The following NFILZ variants were observed in gnomAD, a reference collection of about 807,000 sequenced individuals.
NFILZ encodes NFIL3 like protein.
At chr19:8,653,040 C>CTTTCTTTCTTTCTTTCTTTCTTTCTT (rs1263390932) in intron 3 of NFILZ, among the ~76,000 whole-genome samples, 1 of 63,344 alleles carries the variant, frequency 1.6e-5, no homozygotes, top group Non-Finnish European at 3.0e-5. Flanking sequence ...TTCTTTCTTT[C>CTTTCTTTCTTTCTTTCTTTCTTTCTT]TCTCTCTCTC....
chr19:8,652,979 C>T lies in NFILZ; in HGVS notation c.-164+17233C>T, dbSNP rs879098650. Among the ~76,000 whole-genome samples the T allele has an allele frequency of 2.0e-3, 171 of 86,392 alleles. 12 individuals carry two copies. The highest frequency in any genetic ancestry group is 0.016 in the Middle Eastern group (3 of 192). The allele number at this position is 86,392 out of a possible 152,430, so 56.7% of individuals were successfully genotyped here. The stretch of plus-strand genomic sequence containing the variant: ...CTTTCCCTTCCTTCCCTCCTTCCTT[C>T]CTTCCTTCCTTCCTTCCTTCCTTCC... On this transcript the variant is annotated intron_variant, in intron 3 of 5. Coordinates refer to ENST00000691075, the MANE Select transcript of NFILZ (RefSeq NM_001378600.1).
At position 8,656,284 on chromosome 19, in the gene NFILZ, C is replaced by CCCTGAAG. The variant is rs1420223130; in HGVS notation, c.-163-18265_-163-18264insTGAAGCC. ...ATCTTCTCTCTGAAGCCCACCTTCTCCCCACAGCCCACCTCCTCCCGCAGC... is the reference window on the plus strand; with the variant it reads ...ATCTTCTCTCTGAAGCCCACCTTCTCCCTGAAGCCCACAGCCCACCTCCTCCCGCAGC... On this transcript the variant is annotated intron_variant, in intron 3 of 5. Transcript: ENST00000691075. 8.1e-4 allele frequency among the ~76,000 whole-genome samples: 41 copies of CCCTGAAG among 50,902 alleles called. 1 individual carries two copies. Among genetic ancestry groups the CCCTGAAG allele is most frequent in the African/African-American group, 1.8e-3 (38 of 21,066 alleles). The allele number at this position is 50,902 out of a possible 152,430, so 33.4% of individuals were successfully genotyped here. A position where few individuals can be genotyped will look rare whatever the true frequency, so the allele number is the denominator to read the frequency against.
chr19:8,658,505 T>G (rs529882605), intron 3 of NFILZ, among the ~76,000 whole-genome samples: 1 of 152,186 alleles, frequency 6.6e-6, no homozygotes, highest in Admixed American at 6.5e-5. Flanking sequence ...TTTAGAACCA[T>G]TGTCCTAAAG....
At chr19:8,647,241 G>GTACA (rs1273767158) in intron 3 of NFILZ, among the ~76,000 whole-genome samples, 3 of 152,104 alleles carry the variant, frequency 2.0e-5, no homozygotes, top group Non-Finnish European at 4.4e-5. Flanking sequence ...AGAAAATGTG[G>GTACA]TACATACACA....
chr19:8,636,531 G>A (rs1326336817), intron 3 of NFILZ, among the ~76,000 whole-genome samples: 1 of 145,216 alleles, frequency 6.9e-6, no homozygotes, highest in African/African-American at 2.5e-5. Flanking sequence ...CGCAACCTCT[G>A]CCTCCTGGGT....
At chr19:8,656,067 T>TC (rs2042990794) in intron 3 of NFILZ, among the ~76,000 whole-genome samples, 1 of 151,590 alleles carries the variant, frequency 6.6e-6, no homozygotes, top group Non-Finnish European at 1.5e-5. Context: ...TCTGACCCGG[T>TC]CCCTAAGGGG....
chr19:8,673,901 C>A (rs568371598), intron 3 of NFILZ, among the ~76,000 whole-genome samples: 1 of 152,118 alleles, frequency 6.6e-6, no homozygotes, highest in Non-Finnish European at 1.5e-5. Flanking sequence ...AGTGCAGTGG[C>A]GCAATCTTGG....
chr19:8,656,203 G>GTTCTCCCTGCAGCCCACC (rs1555748300), intron 3 of NFILZ, among the ~76,000 whole-genome samples: 1,618 of 105,994 alleles, frequency 0.015, 31 homozygotes, highest in African/African-American at 0.043. Context: ...CAAAGCCAGT[G>GTTCTCCCTGCAGCCCACC]TTCTCCCTGC....
At position 8,651,858 on chromosome 19, in the gene NFILZ, A is replaced by G. The variant is rs782781683; in HGVS notation, c.-164+16112A>G. On this transcript the variant is annotated intron_variant, in intron 3 of 5. Coordinates refer to ENST00000691075, the MANE Select transcript of NFILZ (RefSeq NM_001378600.1). ...TCTAACTATATTTTGGACCCATTAA[A>G]CATTCCTTCTCCCTCTTCCTCCTCA... Among the ~76,000 whole-genome samples the G allele has an allele frequency of 3.9e-5, 6 of 151,950 alleles. No homozygotes were observed. In the South Asian group the frequency reaches 6.2e-4, roughly 16 times the overall value.
chr19:8,654,622 AAT>A (rs2042984086), intron 3 of NFILZ, among the ~76,000 whole-genome samples: 1 of 152,220 alleles, frequency 6.6e-6, no homozygotes, highest in Admixed American at 6.5e-5. Flanking sequence ...TGCCTCAAAA[AAT>A]ATTTATTAAA....
intron 3 of NFILZ, among the ~76,000 whole-genome samples, chr19:8,661,448 C>CTGGAGTGCCAGT (rs2043031631): frequency 6.6e-6 from 1 of 152,082 alleles, no homozygotes; most frequent in Admixed American, 6.6e-5. Context: ...TGAATAGTGC[C>CTGGAGTGCCAGT]TGGAGTGCCA....
At chr19:8,639,180 T>C (rs1280813972) in intron 3 of NFILZ, among the ~76,000 whole-genome samples, 3 of 151,804 alleles carry the variant, frequency 2.0e-5, no homozygotes, top group African/African-American at 7.3e-5. Flanking sequence ...GAGGTCCATG[T>C]GGTTGGAGCA....
chr19:8,661,298 A>G (rs12980358), intron 3 of NFILZ, among the ~76,000 whole-genome samples: 9,457 of 150,980 alleles, frequency 0.063, 534 homozygotes, highest in East Asian at 0.32. Context: ...AAGTAGTTGG[A>G]ACTACAGGCA....
chr19:8,637,116 T>C (rs1423226866), intron 3 of NFILZ, among the ~76,000 whole-genome samples: 1 of 152,078 alleles, frequency 6.6e-6, no homozygotes, highest in Admixed American at 6.6e-5. Flanking sequence ...ATACCTGTAG[T>C]CCCAGTACTT....
In NFILZ at chr19:8,680,497, C is replaced by G. The variant is rs938756382; in HGVS notation, c.*2862C>G. Reference sequence around the variant, plus strand: ...TTTTTGTCATGTTTAAGACAACTTCCATGTCTCAAGATCATAAAGATAGTC... The same window carrying G: ...TTTTTGTCATGTTTAAGACAACTTCGATGTCTCAAGATCATAAAGATAGTC... On this transcript the variant is annotated 3_prime_UTR_variant, in exon 6 of 6. Coordinates refer to ENST00000691075, the MANE Select transcript of NFILZ (RefSeq NM_001378600.1). 1.3e-5 allele frequency among the ~76,000 whole-genome samples: 2 copies of G among 152,128 alleles called. No individual in the cohort carries two copies. The highest frequency in any genetic ancestry group is 2.9e-5 in the Non-Finnish European group (2 of 68,022).
At chr19:8,636,855 G>A (rs931996441) in intron 3 of NFILZ, among the ~76,000 whole-genome samples, 11 of 152,234 alleles carry the variant, frequency 7.2e-5, no homozygotes, top group African/African-American at 2.6e-4. Flanking sequence ...GCCTCCCAAA[G>A]TTTTGGGATT....
Position 8,678,164 on chromosome 19 carries a change from TC to T in NFILZ, c.*531del, listed in dbSNP as rs2043126337. Among the ~76,000 whole-genome samples, 1 of 18,640 alleles carries T rather than the reference TC, an allele frequency of 5.4e-5. No individual in the cohort carries two copies. Among genetic ancestry groups the T allele is most frequent in the African/African-American group, 1.9e-4 (1 of 5,354 alleles). The allele number at this position is 18,640 out of a possible 152,430, so 12.2% of individuals were successfully genotyped here. Reference sequence around the variant, plus strand: ...ATCCACTTGTCCGTCCATCCATCCATCCATCCATCCATCCATCCATCCATCC... The same window carrying T: ...ATCCACTTGTCCGTCCATCCATCCATCATCCATCCATCCATCCATCCATCC... On this transcript the variant is annotated 3_prime_UTR_variant, in exon 6 of 6. Coordinates refer to ENST00000691075, the MANE Select transcript of NFILZ (RefSeq NM_001378600.1).
At chr19:8,673,634 C>T (rs1331998309) in intron 3 of NFILZ, among the ~76,000 whole-genome samples, 2 of 152,114 alleles carry the variant, frequency 1.3e-5, no homozygotes, top group Non-Finnish European at 2.9e-5. Flanking sequence ...CACTGCAGAC[C>T]CTCCTGTGAC....
At position 8,678,768 on chromosome 19, in the gene NFILZ, C is replaced by T. The variant is rs1347304276; in HGVS notation, c.*1133C>T. Among the ~76,000 whole-genome samples, 18 of 152,150 alleles carry T rather than the reference C, an allele frequency of 1.2e-4. No individual in the cohort carries two copies. Among genetic ancestry groups the T allele is most frequent in the Non-Finnish European group, 2.2e-4 (15 of 68,032 alleles). On this transcript the variant is annotated 3_prime_UTR_variant, in exon 6 of 6. Transcript: ENST00000691075. Reference sequence around the variant, plus strand: ...TCATTTATGTGCTAACTTGTTTATTCATTCATTCTCTTACTCATTAATTTA... The same window carrying T: ...TCATTTATGTGCTAACTTGTTTATTTATTCATTCTCTTACTCATTAATTTA...
Sources: gnomAD v4.1 joint callset for allele counts (sites outside exome capture counted in the v4.1 genomes callset) on GRCh38, gnomAD v4.1.1 for gene constraint, MANE v1.5 for transcripts, NCBI Gene and HGNC (gene_info 2026-07-23, HGNC 2026-07-21) for gene names.